Variants in PPP2R5E observed in about 807,000 individuals in gnomAD.
PPP2R5E encodes protein phosphatase 2 regulatory subunit B'epsilon, also known as serine/threonine-protein phosphatase 2A 56 kDa regulatory subunit epsilon isoform.
A neutral mutation model predicts 65.3 loss-of-function variants in PPP2R5E; 4 were observed. The observed-to-expected ratio is 0.06, with a 90% CI of 0.03 to 0.14. PPP2R5E has a LOEUF of 0.14. Ranked by LOEUF, PPP2R5E falls within the 10% of genes least tolerant of loss-of-function variation. PPP2R5E has a pLI of 1.00. For synonymous variants in PPP2R5E, 183 were observed against 187.4 expected (o/e 0.98, Z 0.19); for missense variants, 274 against 556.1 (o/e 0.49, Z 5.10).
chr14:63,495,277 A>C (rs1891492637), intron 2 of PPP2R5E, among the ~76,000 whole-genome samples: 1 of 150,144 alleles, frequency 6.7e-6, no homozygotes, highest in Admixed American at 6.6e-5. Context: ...TTTTTATAAA[A>C]ATAAACATGT....
At chr14:63,485,918 C>T (rs1479671959) in intron 2 of PPP2R5E, among the ~76,000 whole-genome samples, 1 of 150,810 alleles carries the variant, frequency 6.6e-6, no homozygotes, top group East Asian at 1.9e-4. Flanking sequence ...TAACCTCTAC[C>T]TCCCAGGTTC....
At chr14:63,445,574 TG>T (rs1328514804) in intron 3 of PPP2R5E, among the ~76,000 whole-genome samples, 1 of 152,082 alleles carries the variant, frequency 6.6e-6, no homozygotes, top group Non-Finnish European at 1.5e-5. Flanking sequence ...CCAGGTGTGG[TG>T]GTCTCACGCC....
Position 63,465,450 on chromosome 14 carries a change from C to CAAAAA in PPP2R5E, c.158-11570_158-11566dup, listed in dbSNP as rs1171345415. Among the ~76,000 whole-genome samples, 445 of 47,146 alleles carry CAAAAA rather than the reference C, an allele frequency of 9.4e-3. 9 individuals carry two copies. The highest frequency in any genetic ancestry group is 0.033 in the African/African-American group (423 of 12,842). The allele number at this position is 47,146 out of a possible 152,430, so 30.9% of individuals were successfully genotyped here. A position where few individuals can be genotyped will look rare whatever the true frequency, so the allele number is the denominator to read the frequency against. The stretch of plus-strand genomic sequence containing the variant: ...GCAACATGGTAAAACTCCACCTCTA[C>CAAAAA]AAAAAAAAAAAAAAAAAAAAAAACA... On this transcript the variant is annotated intron_variant, in intron 2 of 13. Transcript: ENST00000337537.
chr14:63,477,519 G>A (rs1890468635), intron 2 of PPP2R5E, among the ~76,000 whole-genome samples: 1 of 151,798 alleles, frequency 6.6e-6, no homozygotes, highest in Non-Finnish European at 1.5e-5. Flanking sequence ...GAGGGGAGGG[G>A]AGAAGAGAAA....
At chr14:63,429,102 T>G (rs1208913372) in intron 3 of PPP2R5E, among the ~76,000 whole-genome samples, 1 of 152,192 alleles carries the variant, frequency 6.6e-6, no homozygotes, top group Non-Finnish European at 1.5e-5. Flanking sequence ...GATTTGAGGC[T>G]CTGGTACACT....
In PPP2R5E at chr14:63,543,280, G is replaced by C. The variant is rs1041448110; in HGVS notation, c.-509C>G. The C allele has an allele frequency of 6.5e-6, 1 of 153,656 alleles. No homozygotes were observed. Among genetic ancestry groups the C allele is most frequent in the Non-Finnish European group, 1.5e-5 (1 of 68,916 alleles). The allele number at this position is 153,656 out of a possible 1,614,324, so 9.5% of individuals were successfully genotyped here. Reference sequence around the variant, plus strand: ...CTGCCAGAGCCACCTTTCGCTACCCGCGGTGGGTCCCAGTCAATGCCCCTT... The same window carrying C: ...CTGCCAGAGCCACCTTTCGCTACCCCCGGTGGGTCCCAGTCAATGCCCCTT... On this transcript the variant is annotated 5_prime_UTR_variant, in exon 1 of 14. Coordinates refer to ENST00000337537, the MANE Select transcript of PPP2R5E (RefSeq NM_006246.5).
In PPP2R5E at chr14:63,515,991, A is replaced by AAGCG. The variant is rs1188767158; in HGVS notation, c.157+23534_157+23537dup. Among the ~76,000 whole-genome samples the AAGCG allele has an allele frequency of 5.3e-5, 8 of 150,572 alleles. No homozygotes were observed. The East Asian group carries it at 1.4e-3, about 26-fold the overall frequency. ...CAGCCTCCCAAGTAGCTGGGACTAT[A>AAGCG]AGCGCCCGCCACCACGCCTGGCTAG... On this transcript the variant is annotated intron_variant, in intron 2 of 13. Coordinates refer to ENST00000337537, the MANE Select transcript of PPP2R5E (RefSeq NM_006246.5).
Position 63,371,977 on chromosome 14 carries a change from T to C in PPP2R5E, c.*4032A>G, listed in dbSNP as rs1433749570. The C allele has an allele frequency of 6.6e-6, 1 of 151,918 alleles. No individual in the cohort carries two copies. The highest frequency in any genetic ancestry group is 1.9e-4 in the East Asian group (1 of 5,174). 9.4% of individuals were successfully genotyped at this position (151,918 alleles called of 1,614,324 possible). A position where few individuals can be genotyped will look rare whatever the true frequency, so the allele number is the denominator to read the frequency against. On this transcript the variant is annotated 3_prime_UTR_variant, in exon 14 of 14. Transcript: ENST00000337537. ...ATTGGTAATATTTATATTTGAAAATTCCCCATTGATACATGAGGTTTGGAT... is the reference window on the plus strand; with the variant it reads ...ATTGGTAATATTTATATTTGAAAATCCCCCATTGATACATGAGGTTTGGAT...
At chr14:63,516,941 A>C (rs975382153) in intron 2 of PPP2R5E, among the ~76,000 whole-genome samples, 2 of 152,204 alleles carry the variant, frequency 1.3e-5, no homozygotes, top group Non-Finnish European at 2.9e-5. Flanking sequence ...TGTTTTGCTT[A>C]AACAATTTAG....
intron 2 of PPP2R5E, among the ~76,000 whole-genome samples, chr14:63,494,886 G>A (rs1363885395): frequency 6.7e-6 from 1 of 150,112 alleles, no homozygotes; most frequent in South Asian, 2.1e-4. Context: ...AATAGAGCCA[G>A]ACCTTATCTC....
intron 2 of PPP2R5E, among the ~76,000 whole-genome samples, chr14:63,513,859 G>A (rs1172263456): frequency 3.3e-5 from 5 of 152,142 alleles, no homozygotes; most frequent in African/African-American, 1.2e-4. Context: ...GGCAAGAGGG[G>A]CCAGGGTAAG....
At chr14:63,380,193 T>C (rs748842763) in intron 13 of PPP2R5E, among the ~76,000 whole-genome samples, 8 of 152,098 alleles carry the variant, frequency 5.3e-5, no homozygotes, top group Non-Finnish European at 1.2e-4. Context: ...ACTAGGATAA[T>C]AATAATGTGC....
At chr14:63,423,077 T>C (rs1413518785) in intron 3 of PPP2R5E, among the ~76,000 whole-genome samples, 2 of 152,216 alleles carry the variant, frequency 1.3e-5, no homozygotes, top group African/African-American at 4.8e-5. Context: ...TATCTATTAC[T>C]TCTGTATATG....
At chr14:63,501,632 A>C (rs1891894331) in intron 2 of PPP2R5E, among the ~76,000 whole-genome samples, 1 of 152,134 alleles carries the variant, frequency 6.6e-6, no homozygotes, top group Non-Finnish European at 1.5e-5. Context: ...CTAAAAATAG[A>C]TTGTGGTGAT....
In PPP2R5E at chr14:63,434,633, T is replaced by C. The variant is rs780846240; in HGVS notation, c.355-12539A>G. ...TAATTTCTTTACTTCCAGTTACATA[T>C]AGAGCAGTTTTGACATCTCACTATC... On this transcript the variant is annotated intron_variant, in intron 3 of 13. Transcript: ENST00000337537. Among the ~76,000 whole-genome samples the C allele has an allele frequency of 1.3e-4, 20 of 152,236 alleles. 1 individual carries two copies. Among genetic ancestry groups the C allele is most frequent in the Non-Finnish European group, 2.6e-4 (18 of 68,032 alleles).
chr14:63,391,133 C>G (rs1485375630), intron 10 of PPP2R5E, among the ~76,000 whole-genome samples: 1 of 152,088 alleles, frequency 6.6e-6, no homozygotes, highest in African/African-American at 2.4e-5. Context: ...ATGAAGGGGG[C>G]CACTCGGAAG....
At chr14:63,506,816 T>C (rs1892205807) in intron 2 of PPP2R5E, among the ~76,000 whole-genome samples, 1 of 152,178 alleles carries the variant, frequency 6.6e-6, no homozygotes, top group Non-Finnish European at 1.5e-5. Context: ...CCAAGGTAAC[T>C]GAAAGTATGT....
At chr14:63,404,206 G>C (rs1404602651) in intron 5 of PPP2R5E, among the ~76,000 whole-genome samples, 2 of 152,112 alleles carry the variant, frequency 1.3e-5, no homozygotes, top group Non-Finnish European at 2.9e-5. Context: ...GTCATTAAGA[G>C]CAAAAGGTTT....
chr14:63,376,365 A>C (rs1883983843), intron 13 of PPP2R5E, among the ~76,000 whole-genome samples: 1 of 152,210 alleles, frequency 6.6e-6, no homozygotes, highest in Non-Finnish European at 1.5e-5. Flanking sequence ...TTTCTCAAAA[A>C]GGATGCTGGA....
Sources: gnomAD v4.1 joint callset for allele counts (sites outside exome capture counted in the v4.1 genomes callset) on GRCh38, gnomAD v4.1.1 for gene constraint, MANE v1.5 for transcripts, NCBI Gene and HGNC (gene_info 2026-07-23, HGNC 2026-07-21) for gene names.